The following PLEKHM1 variants were observed in gnomAD, a reference collection of about 807,000 sequenced individuals.
PLEKHM1 encodes the protein pleckstrin homology and RUN domain containing M1.
Under a neutral mutation model 94.3 loss-of-function variants are expected in PLEKHM1, and 28 were observed. The ratio of observed to expected loss-of-function variants is 0.30; its 90% CI spans 0.22 to 0.41. PLEKHM1 has a LOEUF of 0.41. Ranked by LOEUF, PLEKHM1 falls within the 10% of genes least tolerant of loss-of-function variation. The pLI is 1.00. For synonymous variants in PLEKHM1, 424 were observed against 581.2 expected, an observed-to-expected ratio of 0.73 and a Z score of 3.89; for missense variants, 907 against 1,358.6, an observed-to-expected ratio of 0.67 and a Z score of 5.22.
intron 8 of PLEKHM1, chr17:45,447,963 A>AT (rs2050662678): frequency 6.7e-6 from 1 of 149,306 alleles, no homozygotes; most frequent in Admixed American, 6.8e-5. Flanking sequence ...CGCCCAGCTA[A>AT]TTTTTGTATT....
intron 8 of PLEKHM1, among the ~76,000 whole-genome samples, chr17:45,448,667 C>T (rs2050683440): frequency 6.6e-6 from 1 of 152,174 alleles, no homozygotes; most frequent in African/African-American, 2.4e-5. Context: ...GACAGGCACA[C>T]ACTGCCACAC....
At chr17:45,450,357 G>A (rs2050742694) in intron 8 of PLEKHM1, among the ~76,000 whole-genome samples, 1 of 152,216 alleles carries the variant, frequency 6.6e-6, no homozygotes, top group Admixed American at 6.5e-5. Flanking sequence ...AAGCAGTTAT[G>A]TTTGTAGCTG....
Position 45,439,641 on chromosome 17 carries a change from A to G in PLEKHM1, c.2902-7T>C, listed in dbSNP as rs201872142. The G allele has an allele frequency of 3.6e-4, 577 of 1,613,922 alleles. No homozygotes were observed. Among genetic ancestry groups the G allele is most frequent in the Non-Finnish European group, 4.5e-4 (529 of 1,179,928 alleles). Reference sequence around the variant, plus strand: ...CATACACCCCGTCTGCGATCTGCGGAGGGCAAGTAGGAATCCTTCATACAC... The same window carrying G: ...CATACACCCCGTCTGCGATCTGCGGGGGGCAAGTAGGAATCCTTCATACAC... On this transcript the variant is annotated splice_polypyrimidine_tract_variant and splice_region_variant and intron_variant, in intron 10 of 11. Transcript: ENST00000430334.
At chr17:45,467,187 G>A (rs71373578) in intron 5 of PLEKHM1, among the ~76,000 whole-genome samples, 2 of 152,220 alleles carry the variant, frequency 1.3e-5, no homozygotes, top group African/African-American at 4.8e-5. Context: ...GGCTCAAGCA[G>A]TCCTCCCTCT....
Position 45,444,557 on chromosome 17 carries a change from G to A in PLEKHM1, c.2837+913C>T, listed in dbSNP as rs368293677. Among the ~76,000 whole-genome samples the A allele has an allele frequency of 2.4e-4, 36 of 152,316 alleles. No homozygotes were observed. In the East Asian group the frequency reaches 7.0e-3, roughly 29 times the overall value. On this transcript the variant is annotated intron_variant, in intron 9 of 11. Transcript: ENST00000430334. The surrounding 1 kb of genome is among the most constrained non-coding windows in gnomAD (Gnocchi z 5.0). ...GAGGCTGGCATGGGCCAGACGACTG[G>A]CTGGTACAGGGAAGAGATGGGAACA...
chr17:45,477,717 G>C (rs2051798355), intron 3 of PLEKHM1, 183 bp downstream of exon 3: 3 of 681,862 alleles, frequency 4.4e-6, no homozygotes, highest in Non-Finnish European at 7.7e-6. Context: ...TGGCACACTG[G>C]CTGGGAAGCT....
At chr17:45,480,654 C>T (rs1448855717) in intron 2 of PLEKHM1, among the ~76,000 whole-genome samples, 4 of 152,206 alleles carry the variant, frequency 2.6e-5, no homozygotes, top group African/African-American at 9.7e-5. Flanking sequence ...ATATTTTGTA[C>T]ATCTCACATG....
At chr17:45,452,877 C>T in intron 7 of PLEKHM1, 1 of 218,858 alleles carries the variant, frequency 4.6e-6, no homozygotes, top group Non-Finnish European at 9.2e-6. Flanking sequence ...AGCTATGGCA[C>T]TGGACACACA....
At chr17:45,464,391 A>G (rs1427806794) in intron 5 of PLEKHM1, among the ~76,000 whole-genome samples, 1 of 152,242 alleles carries the variant, frequency 6.6e-6, no homozygotes, top group East Asian at 1.9e-4. Context: ...TCTCTACACT[A>G]TAAAACTTGA....
chr17:45,437,762 G>T lies in PLEKHM1; in HGVS notation c.*96C>A. 1 of 948,314 alleles carries T rather than the reference G, an allele frequency of 1.1e-6. No homozygotes were observed. The highest frequency in any genetic ancestry group is 1.7e-6 in the Non-Finnish European group (1 of 580,172). 58.7% of individuals were successfully genotyped at this position (948,314 alleles called of 1,614,324 possible). On this transcript the variant is annotated 3_prime_UTR_variant, in exon 12 of 12. Transcript: ENST00000430334. The surrounding 1 kb of genome is among the most constrained non-coding windows in gnomAD (Gnocchi z 4.0). ...GTCTTCCTGACAAGGGGACACAGCT[G>T]TGACACGGTGAGTATCCTGGGCTGA...
chr17:45,460,656 A>C (rs993422776), intron 5 of PLEKHM1, among the ~76,000 whole-genome samples: 2 of 152,152 alleles, frequency 1.3e-5, no homozygotes, highest in African/African-American at 4.8e-5. Context: ...GCCCAGGCTC[A>C]AGCAATCCTC....
chr17:45,439,789 A>G, intron 10 of PLEKHM1, 155 bp from the exon 11 acceptor site: 1 of 976,838 alleles, frequency 1.0e-6, no homozygotes, highest in Non-Finnish European at 1.6e-6. Flanking sequence ...GGGCAAGAAA[A>G]GAAAACCTCC....
chr17:45,452,263 G>C (rs905898733), intron 7 of PLEKHM1, among the ~76,000 whole-genome samples: 1 of 149,820 alleles, frequency 6.7e-6, no homozygotes, highest in Non-Finnish European at 1.5e-5. Flanking sequence ...ATGAGCAAAG[G>C]CTCTGGGGCC....
Position 45,437,963 on chromosome 17 carries a change from G to A in PLEKHM1, c.3066C>T (p.Ala1022=), listed in dbSNP as rs779110673. Residue 1022 remains alanine (A), a synonymous_variant, in exon 12 of 12, where the codon GCC becomes GCT. Transcript: ENST00000430334. This position sits in a 1 kb window ranked among gnomAD's most constrained non-coding sequence, Gnocchi z 4.0. ...PFEFDTTVRC[A]ECKTVFHQSC... is the part of the protein sequence containing the mutation. ...TCTGGTGGAAGACGGTCTTGCACTC[G>A]GCACACCTGGGGAGAGAGCAGTAGG... is the stretch of plus-strand genomic sequence containing the variant. 18 of 1,612,606 alleles carry A rather than the reference G, an allele frequency of 1.1e-5. No homozygotes were observed. Among genetic ancestry groups the A allele is most frequent in the Admixed American group, 5.0e-5 (3 of 60,008 alleles).
rs900087303 is a variant in PLEKHM1, at chr17:45,439,756, A to T, written c.2902-122T>A. 14 of 1,299,276 alleles carry T rather than the reference A, an allele frequency of 1.1e-5. No individual in the cohort carries two copies. In the Admixed American group the frequency reaches 2.5e-4, roughly 23 times the overall value. 80.5% of individuals were successfully genotyped at this position (1,299,276 alleles called of 1,614,324 possible). ...GGTGCCATGGCACCCTGCCTGGAGA[A>T]CTTCTACCCCCCGTTTCCACACGGG... On this transcript the variant is annotated intron_variant, in intron 10 of 11. Coordinates refer to ENST00000430334, the MANE Select transcript of PLEKHM1 (RefSeq NM_014798.3).
intron 5 of PLEKHM1, among the ~76,000 whole-genome samples, chr17:45,467,733 C>T (rs2051361190): frequency 2.0e-5 from 3 of 152,100 alleles, no homozygotes; most frequent in African/African-American, 2.4e-5. Context: ...TGCACTCCAG[C>T]CTGGGCAACA....
At chr17:45,439,392 A>G in intron 11 of PLEKHM1, 85 bp downstream of exon 11, 1 of 1,470,638 alleles carries the variant, frequency 6.8e-7, no homozygotes, top group East Asian at 2.3e-5. Context: ...CACAGAGCGA[A>G]GCCTGCTGCC....
intron 1 of PLEKHM1, among the ~76,000 whole-genome samples, chr17:45,486,573 C>CA (rs1159287439): frequency 3.4e-4 from 49 of 142,172 alleles, no homozygotes; most frequent in East Asian, 8.0e-4. Context: ...GACTCCATCT[C>CA]AAAAAAAAAA....
At position 45,453,033 on chromosome 17, in the gene PLEKHM1, A is replaced by G. The variant is rs2050818370; in HGVS notation, c.2497+322T>C. The G allele has an allele frequency of 1.8e-6, 1 of 541,694 alleles. No homozygotes were observed. The highest frequency in any genetic ancestry group is 2.1e-5 in the South Asian group (1 of 47,256). 33.6% of individuals were successfully genotyped at this position (541,694 alleles called of 1,614,324 possible). A position where few individuals can be genotyped will look rare whatever the true frequency, so the allele number is the denominator to read the frequency against. On this transcript the variant is annotated intron_variant, in intron 7 of 11. Transcript: ENST00000430334. This position sits in a 1 kb window ranked among gnomAD's most constrained non-coding sequence, Gnocchi z 4.1. Reference sequence around the variant, plus strand: ...GAAACCATGCCCCTGCTCTGAAAGAACAGGACGGTAGAGCAAGAAGAAAAT... The same window carrying G: ...GAAACCATGCCCCTGCTCTGAAAGAGCAGGACGGTAGAGCAAGAAGAAAAT...
Sources: gnomAD v4.1 joint callset for allele counts (sites outside exome capture counted in the v4.1 genomes callset) on GRCh38, gnomAD v4.1.1 for gene constraint, Gnocchi (gnomAD v3.1) non-coding constraint, MANE v1.5 for transcripts, NCBI Gene and HGNC (gene_info 2026-07-23, HGNC 2026-07-21) for gene names.